Variants in CCSER1 observed in about 807,000 individuals in gnomAD.
The protein encoded by CCSER1 is serine-rich coiled-coil domain-containing protein 1.
Under a neutral mutation model 82.0 loss-of-function variants are expected in CCSER1, and 41 were observed. The ratio of observed to expected loss-of-function variants is 0.50; its 90% CI spans 0.39 to 0.65. The LOEUF (loss-of-function observed/expected upper bound fraction) is 0.65, where lower values mean the gene tolerates loss of function less well. Among genes scored for constraint, CCSER1 ranks in the 30% least tolerant of loss-of-function variants. The pLI is 0.00. For synonymous variants in CCSER1, 414 were observed against 383.9 expected, an observed-to-expected ratio of 1.08 and a Z score of -0.92; for missense variants, 1,119 against 1,064.2, an observed-to-expected ratio of 1.05 and a Z score of -0.72.
chr4:91,199,775 C>A (rs17008003), intron 10 of CCSER1, among the ~76,000 whole-genome samples: 1 of 151,462 alleles, frequency 6.6e-6, no homozygotes, highest in South Asian at 2.1e-4. Context: ...TTGTTGCAGA[C>A]AAGAAATCTA....
intron 8 of CCSER1, among the ~76,000 whole-genome samples, chr4:90,848,151 A>G (rs546013231): frequency 3.9e-5 from 6 of 152,192 alleles, no homozygotes; most frequent in Non-Finnish European, 7.4e-5. Flanking sequence ...TGTAAACACT[A>G]TGTAAGGGGG....
chr4:90,341,033 C>T (rs901962853), intron 3 of CCSER1, among the ~76,000 whole-genome samples: 6 of 151,976 alleles, frequency 3.9e-5, no homozygotes, highest in Non-Finnish European at 8.8e-5. Flanking sequence ...TGAGTTTTCG[C>T]TGTAAAGAGA....
intron 1 of CCSER1, among the ~76,000 whole-genome samples, chr4:90,202,918 A>C (rs764256995): frequency 6.6e-6 from 1 of 152,224 alleles, no homozygotes; most frequent in Non-Finnish European, 1.5e-5. Context: ...TAACTCATTA[A>C]ATATTATTTT....
intron 7 of CCSER1, among the ~76,000 whole-genome samples, chr4:90,796,420 A>T (rs1432550414): frequency 1.3e-4 from 6 of 45,278 alleles, no homozygotes; most frequent in Admixed American, 4.0e-4. Context: ...ACTAAATTTA[A>T]AAAAAAAAAA....
In CCSER1 at chr4:91,602,142, A is replaced by C. The variant is rs560327428; in HGVS notation, c.*3085A>C. 2.0e-5 allele frequency among the ~76,000 whole-genome samples: 3 copies of C among 152,150 alleles called. No individual in the cohort carries two copies. The South Asian group carries it at 6.2e-4, about 32-fold the overall frequency. ...TTATTCAAGTTATTTTTGTTATCTAATGATTGACATGAAAATAAAATAGTA... is the reference window on the plus strand; with the variant it reads ...TTATTCAAGTTATTTTTGTTATCTACTGATTGACATGAAAATAAAATAGTA... On this transcript the variant is annotated 3_prime_UTR_variant, in exon 11 of 11. Coordinates refer to ENST00000509176, the MANE Select transcript of CCSER1 (RefSeq NM_001145065.2).
chr4:91,538,827 T>C (rs1761444066), intron 10 of CCSER1, among the ~76,000 whole-genome samples: 1 of 151,562 alleles, frequency 6.6e-6, no homozygotes, highest in African/African-American at 2.4e-5. Context: ...AACAGCAACT[T>C]TAATCAGGGA....
chr4:91,594,954 C>G (rs1169355970), intron 10 of CCSER1, among the ~76,000 whole-genome samples: 1 of 151,914 alleles, frequency 6.6e-6, no homozygotes, highest in Admixed American at 6.6e-5. Context: ...CAAACAAATA[C>G]ACTTTCAAGA....
chr4:90,410,489 G>A (rs571357405), intron 4 of CCSER1, among the ~76,000 whole-genome samples: 37 of 152,180 alleles, frequency 2.4e-4, no homozygotes, highest in African/African-American at 7.9e-4. Flanking sequence ...ACTCAAAACC[G>A]CTCAAGTACA....
At chr4:90,632,307 A>G (rs1724596940) in intron 6 of CCSER1, among the ~76,000 whole-genome samples, 2 of 152,058 alleles carry the variant, frequency 1.3e-5, no homozygotes, top group African/African-American at 4.8e-5. Flanking sequence ...CATTAACTGT[A>G]ATTGCATTAC....
At chr4:91,457,919 A>G (rs894414646) in intron 10 of CCSER1, among the ~76,000 whole-genome samples, 8 of 152,158 alleles carry the variant, frequency 5.3e-5, no homozygotes, top group Non-Finnish European at 1.2e-4. Flanking sequence ...ATACAAGTGT[A>G]TGATATATGA....
chr4:91,154,510 C>T (rs1445934309), intron 10 of CCSER1, among the ~76,000 whole-genome samples: 5 of 151,914 alleles, frequency 3.3e-5, no homozygotes, highest in Admixed American at 1.3e-4. Context: ...GCTCCTGGTC[C>T]TTGGGTTGCA....
intron 10 of CCSER1, among the ~76,000 whole-genome samples, chr4:91,401,041 C>T (rs971267603): frequency 7.3e-5 from 11 of 151,610 alleles, no homozygotes; most frequent in South Asian, 2.1e-4. Flanking sequence ...TGTTTTTCTT[C>T]GAGATAAAGA....
At chr4:91,089,112 G>A (rs1326029811) in intron 10 of CCSER1, among the ~76,000 whole-genome samples, 1 of 152,130 alleles carries the variant, frequency 6.6e-6, no homozygotes, top group Non-Finnish European at 1.5e-5. Flanking sequence ...AGCTTGTTGA[G>A]TGCACAATTT....
At chr4:90,959,393 A>G (rs1733833967) in intron 9 of CCSER1, among the ~76,000 whole-genome samples, 1 of 152,156 alleles carries the variant, frequency 6.6e-6, no homozygotes, top group Non-Finnish European at 1.5e-5. Flanking sequence ...ATTTCATCTA[A>G]TGCCAAAAAT....
At chr4:90,555,249 TG>T (rs1777990540) in intron 5 of CCSER1, among the ~76,000 whole-genome samples, 1 of 152,084 alleles carries the variant, frequency 6.6e-6, no homozygotes, top group Non-Finnish European at 1.5e-5. Flanking sequence ...GGAACAAGCC[TG>T]GCAAAAAATT....
At chr4:90,833,098 G>T (rs1166475693) in intron 8 of CCSER1, among the ~76,000 whole-genome samples, 4 of 152,120 alleles carry the variant, frequency 2.6e-5, no homozygotes, top group Admixed American at 2.6e-4. Flanking sequence ...ATAAATAATA[G>T]AAATTTAATT....
At chr4:91,079,623 G>C (rs945957405) in intron 9 of CCSER1, among the ~76,000 whole-genome samples, 1 of 152,130 alleles carries the variant, frequency 6.6e-6, no homozygotes, top group African/African-American at 2.4e-5. Flanking sequence ...GACACAGACT[G>C]GCAAATTGGA....
At chr4:90,326,476 C>CATAT (rs146556438) in intron 3 of CCSER1, among the ~76,000 whole-genome samples, 13,375 of 150,136 alleles carry the variant, frequency 0.089, 992 homozygotes, top group East Asian at 0.31. Context: ...TCTGAAATTC[C>CATAT]ATATATATAT....
chr4:90,235,462 A>C (rs897852183), intron 1 of CCSER1: 1 of 152,156 alleles, frequency 6.6e-6, no homozygotes, highest in Non-Finnish European at 1.5e-5. Flanking sequence ...TATTTCATGC[A>C]ATGATCCACT....
Sources: allele counts gnomAD v4.1 joint callset (sites outside exome capture counted in the v4.1 genomes callset), GRCh38; gene constraint gnomAD v4.1.1; transcripts MANE v1.5; gene names NCBI Gene and HGNC (gene_info 2026-07-23, HGNC 2026-07-21).